The following RPGRIP1L variants were observed in gnomAD, a reference collection of about 807,000 sequenced individuals.
RPGRIP1L encodes the protein RPGRIP1 like.
In RPGRIP1L, 131 loss-of-function variants were observed where a neutral mutation model predicts 160.4. That is an observed-to-expected ratio of 0.82 (90% CI 0.71 to 0.94). The LOEUF (loss-of-function observed/expected upper bound fraction) is 0.94. Ranked by LOEUF, RPGRIP1L falls within the 40% of genes least tolerant of loss-of-function variation. RPGRIP1L has a pLI of 0.00. For missense variants in RPGRIP1L, 1,522 were observed against 1,535.8 expected (o/e 0.99, Z 0.15); for synonymous variants, 510 against 515.8 (o/e 0.99, Z 0.15).
At chr16:53,692,910 A>C (rs35089292) in intron 3 of RPGRIP1L, among the ~76,000 whole-genome samples, 25,572 of 152,232 alleles carry the variant, frequency 0.17, 2,242 homozygotes, top group Middle Eastern at 0.24. Context: ...TGCACCAATA[A>C]ATGTTGCTTA....
chr16:53,682,113 T>C (rs1189749591), intron 6 of RPGRIP1L, among the ~76,000 whole-genome samples: 1 of 152,210 alleles, frequency 6.6e-6, no homozygotes, highest in East Asian at 1.9e-4. Context: ...AGCTATTTCC[T>C]CAATTTCAAC....
chr16:53,621,059 C>T (rs1395865610), intron 23 of RPGRIP1L, among the ~76,000 whole-genome samples: 2 of 152,118 alleles, frequency 1.3e-5, no homozygotes, highest in Non-Finnish European at 2.9e-5. Context: ...TATTTCTACT[C>T]TGTGAAAAGA....
intron 25 of RPGRIP1L, chr16:53,607,961 G>C: frequency 1.0e-6 from 1 of 984,850 alleles, no homozygotes; most frequent in Non-Finnish European, 1.2e-6. Flanking sequence ...TTTGTCCCAT[G>C]TCTGGAAGAA....
chr16:53,677,493 C>T (rs908192989), intron 6 of RPGRIP1L, among the ~76,000 whole-genome samples: 1 of 151,790 alleles, frequency 6.6e-6, no homozygotes, highest in Non-Finnish European at 1.5e-5. Flanking sequence ...ACTAAAAGTG[C>T]TAGGTCAGTG....
intron 19 of RPGRIP1L, among the ~76,000 whole-genome samples, chr16:53,639,818 C>T (rs747809987): frequency 6.6e-6 from 1 of 152,140 alleles, no homozygotes; most frequent in Non-Finnish European, 1.5e-5. Context: ...AAAACATCTA[C>T]TGAATTATAA....
intron 6 of RPGRIP1L, among the ~76,000 whole-genome samples, chr16:53,675,710 A>T (rs992346280): frequency 1.3e-5 from 2 of 152,164 alleles, no homozygotes; most frequent in South Asian, 2.1e-4. Context: ...AATATGTTGC[A>T]GATGTGCCTT....
intron 22 of RPGRIP1L, among the ~76,000 whole-genome samples, chr16:53,623,934 C>T (rs1180577888): frequency 6.6e-6 from 1 of 152,038 alleles, no homozygotes; most frequent in Non-Finnish European, 1.5e-5. Context: ...CTTTGTTGTC[C>T]AGGCTGAAGT....
At chr16:53,658,132 A>G (rs1041913754) in intron 12 of RPGRIP1L, among the ~76,000 whole-genome samples, 25 of 152,296 alleles carry the variant, frequency 1.6e-4, no homozygotes, top group Middle Eastern at 3.4e-3. Flanking sequence ...CGTTTGTTAT[A>G]ATTAAAGAAA....
At chr16:53,635,410 T>A (rs543881743) in intron 22 of RPGRIP1L, 2 of 152,204 alleles carry the variant, frequency 1.3e-5, no homozygotes, top group Non-Finnish European at 2.9e-5. Context: ...CTCTATTTCA[T>A]GGAGGAATCT....
chr16:53,604,810 C>T (rs1313302863), intron 26 of RPGRIP1L, among the ~76,000 whole-genome samples: 8 of 152,114 alleles, frequency 5.3e-5, no homozygotes, highest in African/African-American at 1.7e-4. Flanking sequence ...AGAAATAAGG[C>T]TTCCATAAAC....
At chr16:53,689,960 A>G (rs1398729303) in intron 4 of RPGRIP1L, among the ~76,000 whole-genome samples, 67 of 152,300 alleles carry the variant, frequency 4.4e-4, no homozygotes, top group Admixed American at 4.3e-3. Context: ...TAATTTCGCT[A>G]TAGGGAGAAA....
intron 24 of RPGRIP1L, among the ~76,000 whole-genome samples, chr16:53,618,451 C>T (rs1964513514): frequency 6.6e-6 from 1 of 152,206 alleles, no homozygotes; most frequent in African/African-American, 2.4e-5. Context: ...ATAGACCTAG[C>T]TGACATTTTT....
chr16:53,644,824 G>C (rs996183647), intron 17 of RPGRIP1L, among the ~76,000 whole-genome samples: 1 of 152,096 alleles, frequency 6.6e-6, no homozygotes, highest in South Asian at 2.1e-4. Context: ...TAACTTACAA[G>C]ACATGTCATA....
chr16:53,622,277 T>C lies in RPGRIP1L; in HGVS notation c.3374A>G (p.Asp1125Gly). Residue 1125 changes from aspartate (D) to glycine (G), a missense_variant, in exon 23 of 27, where the codon GAT (aspartate) becomes GGT (glycine). By Grantham distance (94) the Asp-to-Gly change is moderately conservative. Transcript: ENST00000647211. ...HCNFRLPGSS[D>G]FPASASQVDG... Reference sequence around the variant, plus strand: ...TACTTGGGAGGCTGAGGCAGGAAAATCGCTGGAACCCGGGAGGCGGAAGTT... The same window carrying C: ...TACTTGGGAGGCTGAGGCAGGAAAACCGCTGGAACCCGGGAGGCGGAAGTT... The C allele has an allele frequency of 4.6e-6, 3 of 654,142 alleles. No homozygotes were observed. The highest frequency in any genetic ancestry group is 2.8e-6 in the Non-Finnish European group (1 of 358,620). The allele number at this position is 654,142 out of a possible 1,614,324, so 40.5% of individuals were successfully genotyped here.
intron 26 of RPGRIP1L, among the ~76,000 whole-genome samples, chr16:53,604,789 A>G (rs940216076): frequency 6.6e-6 from 1 of 152,244 alleles, no homozygotes; most frequent in Admixed American, 6.5e-5. Flanking sequence ...CTTAAGGTTA[A>G]GTACCTTAAC....
intron 6 of RPGRIP1L, among the ~76,000 whole-genome samples, chr16:53,685,705 C>T (rs1312567508): frequency 5.9e-5 from 7 of 118,896 alleles, no homozygotes; most frequent in South Asian, 3.0e-4. Context: ...TGGGGCCTGT[C>T]GGAGGGTGAG....
rs1422849593 is a variant in RPGRIP1L at position 53,599,194 on chromosome 16, TTG to T, written c.*2880_*2881del. On this transcript the variant is annotated 3_prime_UTR_variant, in exon 27 of 27. Coordinates refer to ENST00000647211, the MANE Select transcript of RPGRIP1L (RefSeq NM_015272.5). ...TGTCTTCATAACACATAGAAATTATTTGTGTTTTGTGGTAACGAATGAATGGC... is the reference window on the plus strand; with the variant it reads ...TGTCTTCATAACACATAGAAATTATTTGTTTTGTGGTAACGAATGAATGGC... The T allele has an allele frequency of 6.6e-6, 1 of 152,196 alleles. No individual in the cohort carries two copies. The highest frequency in any genetic ancestry group is 1.5e-5 in the Non-Finnish European group (1 of 68,036). 9.4% of individuals were successfully genotyped at this position (152,196 alleles called of 1,614,324 possible). A position where few individuals can be genotyped will look rare whatever the true frequency, so the allele number is the denominator to read the frequency against.
intron 14 of RPGRIP1L, among the ~76,000 whole-genome samples, chr16:53,654,009 G>C (rs754669050): frequency 6.6e-6 from 1 of 152,040 alleles, no homozygotes; most frequent in Non-Finnish European, 1.5e-5. Flanking sequence ...TGTCACCCAG[G>C]CTGGAGTGCA....
intron 13 of RPGRIP1L, 77 bp downstream of exon 13, chr16:53,657,376 T>A: frequency 2.0e-6 from 2 of 975,824 alleles, no homozygotes; most frequent in Non-Finnish European, 3.2e-6. Context: ...TAACAGGTGA[T>A]AACATACAGT....
Sources: allele counts gnomAD v4.1 joint callset (sites outside exome capture counted in the v4.1 genomes callset), GRCh38; gene constraint gnomAD v4.1.1; transcripts MANE v1.5; gene names NCBI Gene and HGNC (gene_info 2026-07-23, HGNC 2026-07-21).